Variants in ROBO2 observed in about 807,000 individuals in gnomAD.
The protein encoded by ROBO2 is roundabout guidance receptor 2.
ROBO2 carries 53 observed loss-of-function variants against 160.8 expected under a neutral mutation model. That is an observed-to-expected ratio of 0.33 (90% CI 0.26 to 0.41). The LOEUF (loss-of-function observed/expected upper bound fraction) is 0.41, where lower values mean the gene tolerates loss of function less well. Among genes scored for constraint, ROBO2 ranks in the 10% least tolerant of loss-of-function variants. ROBO2 has a pLI of 1.00. For missense variants in ROBO2, 1,577 were observed against 1,722.4 expected (o/e 0.92, Z 1.49); for synonymous variants, 664 against 611.7 (o/e 1.09, Z -1.26).
chr3:76,268,013 G>A (rs564454105), intron 2 of ROBO2, among the ~76,000 whole-genome samples: 3 of 152,144 alleles, frequency 2.0e-5, no homozygotes, highest in Non-Finnish European at 4.4e-5. Flanking sequence ...CAGAGATGTG[G>A]CAAGGGCCTA....
chr3:77,603,983 C>T (rs531206209), intron 20 of ROBO2: 3 of 152,074 alleles, frequency 2.0e-5, no homozygotes, highest in Non-Finnish European at 4.4e-5. Context: ...TGTATTATGG[C>T]ATGTCACAGG....
At chr3:76,005,970 A>C (rs1192532237) in intron 2 of ROBO2, among the ~76,000 whole-genome samples, 1 of 152,106 alleles carries the variant, frequency 6.6e-6, no homozygotes, top group Non-Finnish European at 1.5e-5. Context: ...AAAACAAAAG[A>C]CTCCCAGACT....
In ROBO2 at chr3:76,033,473, A is replaced by G. The variant is rs137892020; in HGVS notation, c.109+95871A>G. ...CTGTGGTGTTTCCTCTGAGTCCCACATGCTGTGCCATTTTTGTACGAATTG... is the reference window on the plus strand; with the variant it reads ...CTGTGGTGTTTCCTCTGAGTCCCACGTGCTGTGCCATTTTTGTACGAATTG... On this transcript the variant is annotated intron_variant, in intron 2 of 26. Transcript: ENST00000487694. 1.9e-4 allele frequency among the ~76,000 whole-genome samples: 29 copies of G among 152,332 alleles called. No homozygotes were observed. The East Asian group carries it at 5.4e-3, about 28-fold the overall frequency.
chr3:76,216,764 T>C (rs1216030462), intron 2 of ROBO2, among the ~76,000 whole-genome samples: 2 of 151,936 alleles, frequency 1.3e-5, no homozygotes, highest in African/African-American at 2.4e-5. Flanking sequence ...GACAGAAAGT[T>C]AACAAGGATA....
At chr3:76,298,694 A>G (rs903763071) in intron 2 of ROBO2, among the ~76,000 whole-genome samples, 1 of 152,194 alleles carries the variant, frequency 6.6e-6, no homozygotes, top group Admixed American at 6.5e-5. Flanking sequence ...CATGTTTAAA[A>G]TGGGACACTG....
chr3:77,079,320 T>C (rs2068371075), intron 1 of ROBO2, among the ~76,000 whole-genome samples: 1 of 152,194 alleles, frequency 6.6e-6, no homozygotes, highest in Admixed American at 6.5e-5. Flanking sequence ...ATGTTTCTGT[T>C]TCATAATGTT....
intron 12 of ROBO2, among the ~76,000 whole-genome samples, chr3:77,567,334 T>C (rs1033116099): frequency 1.3e-5 from 2 of 152,068 alleles, no homozygotes; most frequent in Non-Finnish European, 2.9e-5. Flanking sequence ...TCAACAACAT[T>C]GTGTGCCAGC....
chr3:76,718,394 G>C (rs2093415188), intron 2 of ROBO2, among the ~76,000 whole-genome samples: 1 of 152,152 alleles, frequency 6.6e-6, no homozygotes. Flanking sequence ...AAATCTAAGT[G>C]GTTAGGATAA....
chr3:77,163,609 G>A (rs1057383582), intron 2 of ROBO2, among the ~76,000 whole-genome samples: 4 of 152,162 alleles, frequency 2.6e-5, no homozygotes, highest in Non-Finnish European at 4.4e-5. Flanking sequence ...GCATGCTACA[G>A]TATTTATAAT....
At position 76,999,755 on chromosome 3, in the gene ROBO2, T is replaced by C. The variant is rs114894478; in HGVS notation, c.110-98259T>C. Among the ~76,000 whole-genome samples the C allele has an allele frequency of 2.3e-3, 356 of 152,336 alleles. 1 individual carries two copies. Among genetic ancestry groups the C allele is most frequent in the African/African-American group, 7.9e-3 (329 of 41,586 alleles). On this transcript the variant is annotated intron_variant, in intron 2 of 26. Transcript: ENST00000487694. ...AAGAGTTGTATGCTTTCTGCCACTGTTGAGGCTCCTAAGGCAGGCCTTATT... is the reference window on the plus strand; with the variant it reads ...AAGAGTTGTATGCTTTCTGCCACTGCTGAGGCTCCTAAGGCAGGCCTTATT...
rs1266601152 is a variant in ROBO2, at chr3:77,541,122, A to G, written c.935-5216A>G. On this transcript the variant is annotated intron_variant, in intron 6 of 25. Transcript: ENST00000461745. Reference sequence around the variant, plus strand: ...AGTTTATTCATTCAGGCATAAAATTATATCCAAAGAAAAAGAGTGGCTGAG... The same window carrying G: ...AGTTTATTCATTCAGGCATAAAATTGTATCCAAAGAAAAAGAGTGGCTGAG... Among the ~76,000 whole-genome samples, 3 of 152,364 alleles carry G rather than the reference A, an allele frequency of 2.0e-5. No homozygotes were observed. In the South Asian group the frequency reaches 6.2e-4, roughly 32 times the overall value.
intron 2 of ROBO2, among the ~76,000 whole-genome samples, chr3:77,183,075 T>C (rs1674432456): frequency 1.3e-5 from 2 of 152,122 alleles, no homozygotes; most frequent in Admixed American, 1.3e-4. Flanking sequence ...TGTAATTTCA[T>C]ACTCTGTAAT....
At chr3:76,835,335 A>C (rs2109405206) in intron 2 of ROBO2, among the ~76,000 whole-genome samples, 1 of 149,454 alleles carries the variant, frequency 6.7e-6, no homozygotes, top group African/African-American at 2.4e-5. Flanking sequence ...ATAAAGGGAA[A>C]CCTCTGTGAA....
At chr3:76,509,350 A>C (rs1420218468) in intron 2 of ROBO2, among the ~76,000 whole-genome samples, 2 of 152,068 alleles carry the variant, frequency 1.3e-5, no homozygotes, top group Non-Finnish European at 2.9e-5. Flanking sequence ...AGAGAGAGAG[A>C]AAGAGGCAGA....
intron 2 of ROBO2, among the ~76,000 whole-genome samples, chr3:77,393,608 C>G (rs2153503261): frequency 6.7e-6 from 1 of 148,756 alleles, no homozygotes; most frequent in Non-Finnish European, 1.5e-5. Flanking sequence ...TATATTTATA[C>G]TGAACATCAA....
At chr3:76,042,977 C>T (rs1291288263) in intron 2 of ROBO2, among the ~76,000 whole-genome samples, 1 of 151,962 alleles carries the variant, frequency 6.6e-6, no homozygotes. Flanking sequence ...CTGAATAAAG[C>T]CCTTCCTTCT....
chr3:76,077,071 G>A (rs2068666598), intron 2 of ROBO2, among the ~76,000 whole-genome samples: 1 of 152,082 alleles, frequency 6.6e-6, no homozygotes, highest in Admixed American at 6.5e-5. Flanking sequence ...TATTTTAGTT[G>A]TTGTTGATTA....
At chr3:75,989,855 C>T (rs576134831) in intron 2 of ROBO2, among the ~76,000 whole-genome samples, 13 of 152,284 alleles carry the variant, frequency 8.5e-5, no homozygotes, top group African/African-American at 2.4e-4. Flanking sequence ...TGATTGGTGG[C>T]GGTTTTGCAT....
chr3:77,594,464 T>C (rs1269396816), intron 17 of ROBO2, among the ~76,000 whole-genome samples: 5 of 152,162 alleles, frequency 3.3e-5, no homozygotes, highest in African/African-American at 4.8e-5. Context: ...TGGATGCTTA[T>C]TGGTGTTGCT....
Sources: gnomAD v4.1 joint callset for allele counts (sites outside exome capture counted in the v4.1 genomes callset) on GRCh38, gnomAD v4.1.1 for gene constraint, MANE v1.5 for transcripts, NCBI Gene and HGNC (gene_info 2026-07-23, HGNC 2026-07-21) for gene names.